The following DPYD variants were observed in gnomAD, a reference collection of about 807,000 sequenced individuals.
DPYD encodes dihydropyrimidine dehydrogenase [NADP(+)].
In DPYD, 109 loss-of-function variants were observed where a neutral mutation model predicts 116.2. The observed-to-expected ratio is 0.94, with a 90% CI of 0.80 to 1.10. DPYD has a LOEUF of 1.10. Among genes scored for constraint, DPYD ranks in the 50% least tolerant of loss-of-function variants. DPYD has a pLI of 0.00. For missense variants in DPYD, 1,302 were observed against 1,254.5 expected, an observed-to-expected ratio of 1.04 and a Z score of -0.57; for synonymous variants, 440 against 432.0, an observed-to-expected ratio of 1.02 and a Z score of -0.23.
At chr1:97,883,620 T>C (rs1028739145) in intron 1 of DPYD, among the ~76,000 whole-genome samples, 25 of 151,884 alleles carry the variant, frequency 1.6e-4, no homozygotes, top group African/African-American at 6.0e-4. Context: ...CTAATTTTTA[T>C]ATTTTTAATA....
intron 14 of DPYD, among the ~76,000 whole-genome samples, chr1:97,447,633 T>A (rs1676163626): frequency 6.6e-6 from 1 of 152,020 alleles, no homozygotes; most frequent in South Asian, 2.1e-4. Flanking sequence ...GAGAAGAAAA[T>A]TATCTCCAGG....
chr1:97,539,010 A>G (rs1029030238), intron 12 of DPYD, among the ~76,000 whole-genome samples: 3 of 152,246 alleles, frequency 2.0e-5, no homozygotes, highest in Non-Finnish European at 2.9e-5. Context: ...AGTTTGCTGA[A>G]GAAAACAGAA....
intron 15 of DPYD, among the ~76,000 whole-genome samples, chr1:97,375,793 A>T (rs1671577296): frequency 6.6e-6 from 1 of 152,222 alleles, no homozygotes; most frequent in African/African-American, 2.4e-5. Context: ...GCAAGTATAC[A>T]CTTATAACAT....
At chr1:97,780,724 G>A (rs1243392307) in intron 3 of DPYD, among the ~76,000 whole-genome samples, 8 of 152,116 alleles carry the variant, frequency 5.3e-5, no homozygotes, top group Non-Finnish European at 1.0e-4. Context: ...AAGCCAGATG[G>A]AAACATGCAA....
intron 14 of DPYD, among the ~76,000 whole-genome samples, chr1:97,432,261 CT>C (rs1006025660): frequency 1.3e-5 from 2 of 151,958 alleles, no homozygotes; most frequent in Non-Finnish European, 2.9e-5. Flanking sequence ...CTATTTTTAG[CT>C]TTTTTAGAGC....
At chr1:97,836,254 T>C (rs1669768419) in intron 2 of DPYD, among the ~76,000 whole-genome samples, 1 of 152,184 alleles carries the variant, frequency 6.6e-6, no homozygotes, top group Non-Finnish European at 1.5e-5. Flanking sequence ...GGTTAATTTT[T>C]TCATCTATGT....
chr1:97,720,672 A>C (rs1662871981), intron 5 of DPYD: 1 of 1,357,688 alleles, frequency 7.4e-7, no homozygotes, highest in East Asian at 3.0e-5. Context: ...CATTGTGTTT[A>C]TGCTGACAAA....
chr1:97,562,878 C>A (rs990206565), intron 11 of DPYD, among the ~76,000 whole-genome samples: 2 of 151,996 alleles, frequency 1.3e-5, no homozygotes, highest in Non-Finnish European at 2.9e-5. Flanking sequence ...CGCCATTACA[C>A]CTGGCTAATT....
intron 20 of DPYD, among the ~76,000 whole-genome samples, chr1:97,107,522 G>A (rs1651257668): frequency 6.6e-6 from 1 of 151,984 alleles, no homozygotes; most frequent in South Asian, 2.1e-4. Flanking sequence ...GGAGAGGGAA[G>A]GAACTGCACC....
At chr1:97,683,607 T>C (rs1660549233) in intron 7 of DPYD, among the ~76,000 whole-genome samples, 1 of 151,958 alleles carries the variant, frequency 6.6e-6, no homozygotes, top group South Asian at 2.1e-4. Context: ...GAAACAAAAA[T>C]ATGTATTTCT....
intron 20 of DPYD, among the ~76,000 whole-genome samples, chr1:97,133,097 G>C (rs1653460087): frequency 6.6e-6 from 1 of 151,742 alleles, no homozygotes; most frequent in Non-Finnish European, 1.5e-5. Context: ...TGTATTTCTT[G>C]TTTTGTAAAC....
chr1:97,678,485 A>G (rs1250412376), intron 8 of DPYD, among the ~76,000 whole-genome samples: 1 of 152,186 alleles, frequency 6.6e-6, no homozygotes, highest in African/African-American at 2.4e-5. Context: ...AGTCAAGCCA[A>G]CTTACTTGTT....
chr1:97,103,489 G>C (rs993229394), intron 20 of DPYD, among the ~76,000 whole-genome samples: 1 of 152,078 alleles, frequency 6.6e-6, no homozygotes, highest in African/African-American at 2.4e-5. Flanking sequence ...GATGGCTAAT[G>C]ATGCAAATCA....
rs143693496 is a variant in DPYD at position 97,214,619 on chromosome 1, G to A, written c.2442+20233C>T. On this transcript the variant is annotated intron_variant, in intron 19 of 22. Coordinates refer to ENST00000370192, the MANE Select transcript of DPYD (RefSeq NM_000110.4). ...ATAAAATCCAGAAGGACTGGGTAGT[G>A]GACTCTCCAGAAGGATGAACTTCAA... 6.6e-5 allele frequency among the ~76,000 whole-genome samples: 10 copies of A among 152,300 alleles called. No homozygotes were observed. The East Asian group carries it at 1.9e-3, about 29-fold the overall frequency.
chr1:97,898,043 G>A (rs1673171929), intron 1 of DPYD, among the ~76,000 whole-genome samples: 1 of 151,718 alleles, frequency 6.6e-6, no homozygotes, highest in Admixed American at 6.6e-5. Flanking sequence ...AGCTTTGTGA[G>A]GAGGGAATCA....
intron 14 of DPYD, among the ~76,000 whole-genome samples, chr1:97,439,301 T>A (rs991192914): frequency 2.6e-5 from 4 of 152,160 alleles, no homozygotes; most frequent in Non-Finnish European, 5.9e-5. Context: ...AAGTATTCCC[T>A]CTATTTTACA....
At chr1:97,666,480 GT>G (rs1370491166) in intron 8 of DPYD, among the ~76,000 whole-genome samples, 1 of 151,828 alleles carries the variant, frequency 6.6e-6, no homozygotes, top group Non-Finnish European at 1.5e-5. Context: ...TTAATTCTTG[GT>G]TGTGTGTGTG....
intron 3 of DPYD, among the ~76,000 whole-genome samples, chr1:97,762,320 C>A (rs950163574): frequency 2.0e-5 from 3 of 151,966 alleles, no homozygotes; most frequent in African/African-American, 7.2e-5. Flanking sequence ...ACCTTTATAT[C>A]CGAGGATAAG....
At chr1:97,368,510 T>C (rs1486693677) in intron 16 of DPYD, among the ~76,000 whole-genome samples, 1 of 152,202 alleles carries the variant, frequency 6.6e-6, no homozygotes, top group Non-Finnish European at 1.5e-5. Flanking sequence ...TGGAGCATGC[T>C]GCATCTTGCT....
Sources: allele counts gnomAD v4.1 joint callset (sites outside exome capture counted in the v4.1 genomes callset), GRCh38; gene constraint gnomAD v4.1.1; transcripts MANE v1.5; gene names NCBI Gene and HGNC (gene_info 2026-07-23, HGNC 2026-07-21).